Variants in CLIP2 observed in about 807,000 individuals in gnomAD.
The protein encoded by CLIP2 is CAP-Gly domain-containing linker protein 2.
CLIP2 carries 41 observed loss-of-function variants against 111.7 expected under a neutral mutation model. That is an observed-to-expected ratio of 0.37 (90% CI 0.29 to 0.48). The LOEUF (loss-of-function observed/expected upper bound fraction) is 0.48. Among genes scored for constraint, CLIP2 ranks in the 20% least tolerant of loss-of-function variants. The pLI is 0.99. For missense variants in CLIP2, 1,160 were observed against 1,422.1 expected (o/e 0.82, Z 2.96); for synonymous variants, 660 against 644.2 (o/e 1.02, Z -0.37).
rs529563705 is a variant in CLIP2, at chr7:74,391,835, A to G, written c.2720+2576A>G. The stretch of plus-strand genomic sequence containing the variant: ...ACTCTGTCTCAAAGAAGAAGAAGAA[A>G]AAAAAAGGTTAATTAATTAAAGAAA... On this transcript the variant is annotated intron_variant, in intron 13 of 16. Coordinates refer to ENST00000223398, the MANE Select transcript of CLIP2 (RefSeq NM_003388.5). 2.0e-4 allele frequency among the ~76,000 whole-genome samples: 31 copies of G among 152,142 alleles called. 1 individual carries two copies. The South Asian group carries it at 6.0e-3, about 30-fold the overall frequency.
rs1554312811 is a variant in CLIP2 at position 74,376,261 on chromosome 7, G to A, written c.1860G>A (p.Leu620=). The A allele has an allele frequency of 6.2e-7, 1 of 1,612,696 alleles. No homozygotes were observed. ...ACTGGAAATCCAAGCTGGACTCGCT[G>A]GCCTCGGACCACCAGAAGTCCCTGG... The part of the protein sequence containing the change: ...MDNWKSKLDS[L]ASDHQKSLED... The change falls in exon 10 of 17, where the codon CTG becomes CTA. Residue 620 remains leucine (L), a synonymous_variant. Transcript: ENST00000223398. The surrounding 1 kb of genome is among the most constrained non-coding windows in gnomAD (Gnocchi z 7.1).
chr7:74,305,440 C>T (rs1386701053), intron 1 of CLIP2, among the ~76,000 whole-genome samples: 1 of 152,146 alleles, frequency 6.6e-6, no homozygotes, highest in African/African-American at 2.4e-5. Context: ...CCCTACCTCC[C>T]CCCACCTCCC....
Position 74,312,142 on chromosome 7 carries a change from G to A in CLIP2, c.-67-5338G>A, listed in dbSNP as rs537166974. Among the ~76,000 whole-genome samples, 5 of 152,230 alleles carry A rather than the reference G, an allele frequency of 3.3e-5. No individual in the cohort carries two copies. In the East Asian group the frequency reaches 9.6e-4, roughly 29 times the overall value. Reference sequence around the variant, plus strand: ...GGGACGCCTGTAGTCCCAGCTACTTGGGAGGCTGAAACAGGAGAATCACTT... The same window carrying A: ...GGGACGCCTGTAGTCCCAGCTACTTAGGAGGCTGAAACAGGAGAATCACTT... On this transcript the variant is annotated intron_variant, in intron 1 of 16. Transcript: ENST00000223398.
In CLIP2 at chr7:74,372,728, C is replaced by T. The variant is rs1790664558; in HGVS notation, c.1381-204C>T. Among the ~76,000 whole-genome samples the T allele has an allele frequency of 2.6e-5, 4 of 151,296 alleles. No individual in the cohort carries two copies. In the South Asian group the frequency reaches 8.4e-4, roughly 32 times the overall value. ...CACAGCAAGGGGTGGGCATGAGGCC[C>T]CACACCCCTCGCCTCCCCAGACTTC... On this transcript the variant is annotated intron_variant, in intron 8 of 16. Coordinates refer to ENST00000223398, the MANE Select transcript of CLIP2 (RefSeq NM_003388.5).
chr7:74,374,127 A>G (rs1790712306), intron 9 of CLIP2, among the ~76,000 whole-genome samples: 1 of 152,210 alleles, frequency 6.6e-6, no homozygotes, highest in Non-Finnish European at 1.5e-5. Context: ...AAGCAAAAAC[A>G]GGCAGCAAGT....
At position 74,296,290 on chromosome 7, in the gene CLIP2, C is replaced by T. The variant is rs562887890; in HGVS notation, c.-68+6556C>T. 2.7e-5 allele frequency among the ~76,000 whole-genome samples: 4 copies of T among 150,782 alleles called. No individual in the cohort carries two copies. In the East Asian group the frequency reaches 5.9e-4, roughly 22 times the overall value. ...TTGGGAGGCTGAGGCAGGCAGATCACCTGAGATAAGGAGTTCAAGACCAGC... is the reference window on the plus strand; with the variant it reads ...TTGGGAGGCTGAGGCAGGCAGATCATCTGAGATAAGGAGTTCAAGACCAGC... On this transcript the variant is annotated intron_variant, in intron 1 of 16. Coordinates refer to ENST00000223398, the MANE Select transcript of CLIP2 (RefSeq NM_003388.5).
At chr7:74,319,331 G>A (rs1554729667) in intron 2 of CLIP2, among the ~76,000 whole-genome samples, 1 of 151,808 alleles carries the variant, frequency 6.6e-6, no homozygotes, top group African/African-American at 2.4e-5. Flanking sequence ...GGCCAACATG[G>A]TGAAACCCCG....
intron 15 of CLIP2, among the ~76,000 whole-genome samples, 160 bp from the exon 16 acceptor site, chr7:74,401,345 C>A (rs1347991544): frequency 2.0e-5 from 3 of 152,210 alleles, no homozygotes; most frequent in Admixed American, 6.5e-5. Flanking sequence ...TGCAGCCTTA[C>A]CCCTAGAGGC....
At chr7:74,291,931 T>A (rs1272590393) in intron 1 of CLIP2, among the ~76,000 whole-genome samples, 1 of 150,950 alleles carries the variant, frequency 6.6e-6, no homozygotes, top group Non-Finnish European at 1.5e-5. Flanking sequence ...CTCTTTTTTT[T>A]TTTTTTTTTT....
intron 8 of CLIP2, among the ~76,000 whole-genome samples, chr7:74,368,255 C>T (rs1044055949): frequency 5.9e-5 from 9 of 152,042 alleles, no homozygotes; most frequent in Admixed American, 2.6e-4. Context: ...CGGTGGCTCA[C>T]GCCTGTAATC....
chr7:74,309,206 T>G (rs1456318157), intron 1 of CLIP2, among the ~76,000 whole-genome samples: 2 of 150,756 alleles, frequency 1.3e-5, no homozygotes, highest in Non-Finnish European at 3.0e-5. Context: ...CCCAGCATAG[T>G]GGCTCACACC....
chr7:74,302,138 TG>T lies in CLIP2; in HGVS notation c.-68+12407del, dbSNP rs1157758934. Among the ~76,000 whole-genome samples the T allele has an allele frequency of 7.2e-5, 11 of 152,146 alleles. No individual in the cohort carries two copies. In the South Asian group the frequency reaches 1.9e-3, roughly 26 times the overall value. ...TCTAGCTCCCGCGAGACAGACAGGC[TG>T]GGCGTTCCCAGGGCCCTGTGGTCCC... is the stretch of plus-strand genomic sequence containing the variant. On this transcript the variant is annotated intron_variant, in intron 1 of 16. Transcript: ENST00000223398.
Position 74,356,610 on chromosome 7 carries a change from G to C in CLIP2, c.1004G>C (p.Ser335Thr). ...GCCTCCTCCGTGGGGGGTCGGCCCA[G>C]CCGCAGTGGCCTGGTGAGGGTGGGG... ...SVASSVGGRPSRSGLLTETSS... is the reference protein window; with the variant it reads ...SVASSVGGRPTRSGLLTETSS... Residue 335 changes from serine (S) to threonine (T), a missense_variant, in exon 5 of 17, where the codon AGC becomes ACC. Physicochemically the swap from Ser to Thr is moderately conservative, Grantham distance 58. Transcript: ENST00000223398. 1.9e-6 allele frequency: 3 copies of C among 1,613,438 alleles called. No individual in the cohort carries two copies. Among genetic ancestry groups the C allele is most frequent in the Non-Finnish European group, 2.5e-6 (3 of 1,179,742 alleles).
At chr7:74,303,844 G>A (rs1584307931) in intron 1 of CLIP2, among the ~76,000 whole-genome samples, 1 of 150,538 alleles carries the variant, frequency 6.6e-6, no homozygotes. Context: ...CTCAGCAGGC[G>A]GAGGTTGCAG....
intron 1 of CLIP2, among the ~76,000 whole-genome samples, chr7:74,311,995 C>T (rs1358339812): frequency 1.3e-5 from 2 of 151,712 alleles, no homozygotes; most frequent in Non-Finnish European, 2.9e-5. Flanking sequence ...CCTGTAATCT[C>T]AGCACTTTGG....
At chr7:74,357,139 G>C (rs1790169730) in intron 5 of CLIP2, 141 bp from the exon 6 acceptor site, 1 of 668,234 alleles carries the variant, frequency 1.5e-6, no homozygotes, top group South Asian at 1.8e-5. Flanking sequence ...CAGAGTACTG[G>C]CAGGGGAAGA....
chr7:74,307,119 G>A (rs1788512597), intron 1 of CLIP2, among the ~76,000 whole-genome samples: 1 of 152,188 alleles, frequency 6.6e-6, no homozygotes, highest in Non-Finnish European at 1.5e-5. Context: ...GGACAGGGGG[G>A]CTGCTCCCCC....
chr7:74,371,760 GAGA>G (rs1208654392), intron 8 of CLIP2, among the ~76,000 whole-genome samples: 4 of 150,432 alleles, frequency 2.7e-5, no homozygotes, highest in Admixed American at 6.7e-5. Context: ...GGAGAGGGAG[GAGA>G]AGGAGAGAGG....
At chr7:74,371,111 G>A (rs543379406) in intron 8 of CLIP2, among the ~76,000 whole-genome samples, 14 of 152,092 alleles carry the variant, frequency 9.2e-5, no homozygotes, top group Non-Finnish European at 1.3e-4. Context: ...GGGCATGATG[G>A]TAGGCACCTG....
Sources: gnomAD v4.1 joint callset for allele counts (sites outside exome capture counted in the v4.1 genomes callset) on GRCh38, gnomAD v4.1.1 for gene constraint, Gnocchi (gnomAD v3.1) non-coding constraint, MANE v1.5 for transcripts, NCBI Gene and HGNC (gene_info 2026-07-23, HGNC 2026-07-21) for gene names.